WNT7B: variants seen among roughly 807,000 people sequenced by gnomAD.
WNT7B encodes the protein protein Wnt-7b.
A neutral mutation model predicts 38.2 loss-of-function variants in WNT7B; 19 were observed. The ratio of observed to expected loss-of-function variants is 0.50; its 90% CI spans 0.35 to 0.73. The LOEUF is 0.73. Among genes scored for constraint, WNT7B ranks in the 30% least tolerant of loss-of-function variants. WNT7B has a pLI of 0.01. For synonymous variants in WNT7B, 243 were observed against 209.3 expected (o/e 1.16, Z -1.39); for missense variants, 423 against 507.9 (o/e 0.83, Z 1.61).
rs1376116877 is a variant in WNT7B at position 45,976,212 on chromosome 22, G to C, written c.71+472C>G. Among the ~76,000 whole-genome samples the C allele has an allele frequency of 6.8e-6, 1 of 146,020 alleles. No individual in the cohort carries two copies. The highest frequency in any genetic ancestry group is 1.5e-5 in the Non-Finnish European group (1 of 65,644). ...GACGAAGGGCCGCGGCGGGTGCCCC[G>C]GCCTGCGCGCTCGCGGCCGGGTGCG... On this transcript the variant is annotated intron_variant, in intron 1 of 3. Transcript: ENST00000339464. The surrounding 1 kb of genome is among the most constrained non-coding windows in gnomAD (Gnocchi z 8.5).
At chr22:45,943,310 T>C (rs570737358) in intron 2 of WNT7B, among the ~76,000 whole-genome samples, 54 of 152,340 alleles carry the variant, frequency 3.5e-4, no homozygotes, top group African/African-American at 1.2e-3. Flanking sequence ...AAACAGATCA[T>C]TGGAAAAAGT....
At chr22:45,939,757 T>G (rs940935065) in intron 2 of WNT7B, among the ~76,000 whole-genome samples, 2 of 151,228 alleles carry the variant, frequency 1.3e-5, no homozygotes, top group Non-Finnish European at 2.9e-5. Flanking sequence ...GCCCAGGAGG[T>G]CAAGGTTGCA....
At chr22:45,928,053 C>T (rs1931149029) in intron 3 of WNT7B, among the ~76,000 whole-genome samples, 1 of 152,196 alleles carries the variant, frequency 6.6e-6, no homozygotes, top group African/African-American at 2.4e-5. Context: ...AGAGGGAGTG[C>T]AGCCCTGCCA....
intron 1 of WNT7B, among the ~76,000 whole-genome samples, chr22:45,961,419 C>T (rs1437308150): frequency 6.6e-6 from 1 of 152,222 alleles, no homozygotes; most frequent in East Asian, 1.9e-4. Context: ...CTCCCCTTTC[C>T]AAGCAGGTTC....
At chr22:45,959,000 C>T (rs1932134478) in intron 1 of WNT7B, among the ~76,000 whole-genome samples, 1 of 152,202 alleles carries the variant, frequency 6.6e-6, no homozygotes, top group Admixed American at 6.5e-5. Flanking sequence ...GTCCGAGCCC[C>T]CATAGCTGGG....
At chr22:45,923,401 C>T in intron 3 of WNT7B, 66 bp from the exon 4 acceptor site, 3 of 1,529,364 alleles carry the variant, frequency 2.0e-6, no homozygotes, top group Non-Finnish European at 2.6e-6. Flanking sequence ...GGTTCCCCTA[C>T]CCCTGCCTCT....
At chr22:45,930,581 G>C (rs78485507) in intron 3 of WNT7B, among the ~76,000 whole-genome samples, 1 of 152,092 alleles carries the variant, frequency 6.6e-6, no homozygotes, top group Non-Finnish European at 1.5e-5. Context: ...ACCACACTCC[G>C]TCCCGCCCCA....
chr22:45,934,490 C>T (rs988734063), intron 2 of WNT7B, among the ~76,000 whole-genome samples: 4 of 152,166 alleles, frequency 2.6e-5, no homozygotes, highest in Admixed American at 6.5e-5. Flanking sequence ...CGGGCCCAGC[C>T]GGTGGACCTT....
At chr22:45,932,315 A>G (rs1195303196) in intron 2 of WNT7B, among the ~76,000 whole-genome samples, 1 of 152,072 alleles carries the variant, frequency 6.6e-6, no homozygotes, top group African/African-American at 2.4e-5. Context: ...CCTGGGGATT[A>G]TGTGGTCTTT....
In WNT7B at chr22:45,977,041, C is replaced by T. The variant is rs986533517; in HGVS notation, c.-287G>A. The T allele has an allele frequency of 3.4e-4, 332 of 984,316 alleles. No individual in the cohort carries two copies. Among genetic ancestry groups the T allele is most frequent in the Non-Finnish European group, 3.8e-4 (316 of 829,570 alleles). The allele number at this position is 984,316 out of a possible 1,614,324, so 61.0% of individuals were successfully genotyped here. On this transcript the variant is annotated 5_prime_UTR_variant, in exon 1 of 4. Transcript: ENST00000339464. ...GACCCCTGCAAGCGCGGGCCGGGGG[C>T]CCGGGCGCGGCTGGCGGGCGGGTGC...
rs1370219509 is a variant in WNT7B at position 45,921,592 on chromosome 22, A to T, written c.*1264T>A. On this transcript the variant is annotated 3_prime_UTR_variant, in exon 4 of 4. Coordinates refer to ENST00000339464, the MANE Select transcript of WNT7B (RefSeq NM_058238.3). ...GTGGGACAAACATCCCTGACCACTC[A>T]CCACCTGCCTGACCCCCGCGGCAGC... The T allele has an allele frequency of 1.3e-5, 2 of 152,038 alleles. No homozygotes were observed. The highest frequency in any genetic ancestry group is 4.8e-5 in the African/African-American group (2 of 41,362). 9.4% of individuals were successfully genotyped at this position (152,038 alleles called of 1,614,324 possible).
intron 1 of WNT7B, among the ~76,000 whole-genome samples, chr22:45,957,281 C>T (rs1283576144): frequency 6.6e-6 from 1 of 152,046 alleles, no homozygotes; most frequent in East Asian, 1.9e-4. Context: ...CTGTGCTTTA[C>T]ATAAGTTATA....
At chr22:45,929,798 A>T (rs373865690) in intron 3 of WNT7B, among the ~76,000 whole-genome samples, 1 of 148,844 alleles carries the variant, frequency 6.7e-6, no homozygotes, top group Non-Finnish European at 1.5e-5. Flanking sequence ...CGATCCACTC[A>T]ACCATCTACC....
At chr22:45,928,610 G>GC (rs1931173382) in intron 3 of WNT7B, among the ~76,000 whole-genome samples, 1 of 102,484 alleles carries the variant, frequency 9.8e-6, no homozygotes, top group Non-Finnish European at 2.1e-5. Flanking sequence ...ACCATCACCA[G>GC]CCGCCTTGTT....
chr22:45,941,231 C>T lies in WNT7B; in HGVS notation c.298+8689G>A, dbSNP rs79515206. Among the ~76,000 whole-genome samples the T allele has an allele frequency of 4.8e-3, 725 of 152,158 alleles. 4 individuals carry two copies. Among genetic ancestry groups the T allele is most frequent in the African/African-American group, 0.016 (668 of 41,520 alleles). On this transcript the variant is annotated intron_variant, in intron 2 of 3. Coordinates refer to ENST00000339464, the MANE Select transcript of WNT7B (RefSeq NM_058238.3). ...TAGGGAGGAAAGAGTGCAGAAGGGC[C>T]GGGCGCGGTGGCTCACGCCTGTAAT... is the stretch of plus-strand genomic sequence containing the variant.
chr22:45,927,189 AGGGGCAGAGCTGGGGGCCG>A, intron 3 of WNT7B: 2 of 985,408 alleles, frequency 2.0e-6, no homozygotes, highest in Non-Finnish European at 2.4e-6. Context: ...ACCATGTGCC[AGGGGCAGAGCTGGGGGCCG>A]GGCACTGGGC....
At chr22:45,960,200 C>T (rs924717883) in intron 1 of WNT7B, among the ~76,000 whole-genome samples, 1 of 152,158 alleles carries the variant, frequency 6.6e-6, no homozygotes, top group African/African-American at 2.4e-5. Flanking sequence ...CCCAGACCTG[C>T]CCCCTCAGCC....
At chr22:45,926,137 C>A (rs1931076817) in intron 3 of WNT7B, 1 of 985,334 alleles carries the variant, frequency 1.0e-6, no homozygotes, top group Non-Finnish European at 1.2e-6. Flanking sequence ...CACATCCTCG[C>A]TTGGCTGGAT....
At chr22:45,944,743 C>G (rs1407361273) in intron 2 of WNT7B, among the ~76,000 whole-genome samples, 1 of 152,242 alleles carries the variant, frequency 6.6e-6, no homozygotes, top group Non-Finnish European at 1.5e-5. Flanking sequence ...AAGCCCTGGC[C>G]TGGCATACAG....
Sources: allele counts gnomAD v4.1 joint callset (sites outside exome capture counted in the v4.1 genomes callset), GRCh38; gene constraint gnomAD v4.1.1; non-coding constraint Gnocchi (gnomAD v3.1); transcripts MANE v1.5; gene names NCBI Gene and HGNC (gene_info 2026-07-23, HGNC 2026-07-21).